UBE2G1: variants seen among roughly 807,000 people sequenced by gnomAD.
UBE2G1 encodes ubiquitin conjugating enzyme E2 G1, also known as ubiquitin-conjugating enzyme E2 G1.
Under a neutral mutation model 22.7 loss-of-function variants are expected in UBE2G1, and 5 were observed. The ratio of observed to expected loss-of-function variants is 0.22; its 90% CI spans 0.12 to 0.46. UBE2G1 has a LOEUF of 0.46. Ranked by LOEUF, UBE2G1 falls within the 20% of genes least tolerant of loss-of-function variation. UBE2G1 has a pLI of 0.99. For synonymous variants in UBE2G1, 74 were observed against 67.5 expected, an observed-to-expected ratio of 1.10 and a Z score of -0.47; for missense variants, 88 against 203.9, an observed-to-expected ratio of 0.43 and a Z score of 3.46.
chr17:4,285,327 A>C (rs1275880872), intron 4 of UBE2G1, among the ~76,000 whole-genome samples: 1 of 152,216 alleles, frequency 6.6e-6, no homozygotes, highest in Non-Finnish European at 1.5e-5. Flanking sequence ...TCACCTAAAA[A>C]TGGAAAAGAA....
chr17:4,307,647 C>T (rs1969262724), intron 1 of UBE2G1, among the ~76,000 whole-genome samples: 1 of 152,134 alleles, frequency 6.6e-6, no homozygotes, highest in Admixed American at 6.5e-5. Flanking sequence ...CTCCTGTGTG[C>T]CCATCCATCT....
chr17:4,353,702 G>A (rs937007215), intron 1 of UBE2G1, among the ~76,000 whole-genome samples: 12 of 151,950 alleles, frequency 7.9e-5, no homozygotes, highest in African/African-American at 2.7e-4. Flanking sequence ...TAGTAGAGAC[G>A]GGTTTCACTG....
rs1969344557 is a variant in UBE2G1 at position 4,314,439 on chromosome 17, CAAGA to C, written c.47-7320_47-7317del. On this transcript the variant is annotated intron_variant, in intron 1 of 5. Coordinates refer to ENST00000396981, the MANE Select transcript of UBE2G1 (RefSeq NM_003342.5). ...GAGTTTATAACTGTGAAATCAAAAA[CAAGA>C]AACAAATTTATCACCACTACAGGAT... Among the ~76,000 whole-genome samples, 3 of 152,122 alleles carry C rather than the reference CAAGA, an allele frequency of 2.0e-5. No homozygotes were observed. The South Asian group carries it at 6.2e-4, about 31-fold the overall frequency.
chr17:4,320,668 G>A (rs1337023783), intron 1 of UBE2G1, among the ~76,000 whole-genome samples: 1 of 152,052 alleles, frequency 6.6e-6, no homozygotes, highest in Non-Finnish European at 1.5e-5. Context: ...AAGTAACATA[G>A]GAAAATAAAA....
chr17:4,366,171 C>G (rs1176796942), intron 1 of UBE2G1, 100 bp downstream of exon 1: 1 of 1,314,984 alleles, frequency 7.6e-7, no homozygotes, highest in Non-Finnish European at 1.0e-6. Context: ...GCCCGGGCCC[C>G]TTCGGCAGTA....
intron 2 of UBE2G1, among the ~76,000 whole-genome samples, chr17:4,303,694 A>G (rs533916443): frequency 1.3e-5 from 2 of 152,236 alleles, no homozygotes. Context: ...TTCTGCCTCT[A>G]TGTCTCACAC....
chr17:4,363,384 TCTCTC>T (rs1234316666), intron 1 of UBE2G1, among the ~76,000 whole-genome samples: 1 of 152,140 alleles, frequency 6.6e-6, no homozygotes, highest in Non-Finnish European at 1.5e-5. Flanking sequence ...ATTAAATTGT[TCTCTC>T]CTCTATCTTA....
chr17:4,343,728 A>G (rs1969737291), intron 1 of UBE2G1, among the ~76,000 whole-genome samples: 1 of 151,704 alleles, frequency 6.6e-6, no homozygotes, highest in South Asian at 2.1e-4. Context: ...AGCTGGGACT[A>G]CTGGCGCCCA....
intron 1 of UBE2G1, among the ~76,000 whole-genome samples, chr17:4,339,598 C>T (rs535728833): frequency 2.0e-5 from 3 of 152,260 alleles, no homozygotes; most frequent in Non-Finnish European, 1.5e-5. Flanking sequence ...AGCCACCGCG[C>T]CTGGCTCAAG....
intron 1 of UBE2G1, among the ~76,000 whole-genome samples, chr17:4,312,568 C>T (rs1201873276): frequency 1.3e-5 from 2 of 151,618 alleles, no homozygotes; most frequent in East Asian, 1.9e-4. Flanking sequence ...TGGTGGCGGG[C>T]ACCTGTAGTC....
At chr17:4,324,449 C>A (rs1221230881) in intron 1 of UBE2G1, among the ~76,000 whole-genome samples, 5 of 152,142 alleles carry the variant, frequency 3.3e-5, no homozygotes, top group African/African-American at 1.2e-4. Flanking sequence ...TTTTACCTAT[C>A]TTTTTACATT....
chr17:4,292,921 T>C (rs933018425), intron 3 of UBE2G1, among the ~76,000 whole-genome samples: 2 of 152,198 alleles, frequency 1.3e-5, no homozygotes, highest in African/African-American at 4.8e-5. Context: ...AAAAGCTGAA[T>C]ATATGTAAGG....
At chr17:4,301,324 CCT>C (rs1412442596) in intron 2 of UBE2G1, 1 of 439,294 alleles carries the variant, frequency 2.3e-6, no homozygotes, top group Admixed American at 3.4e-5. Flanking sequence ...ACCCCTTTTG[CCT>C]CTCAGCCTCC....
chr17:4,353,812 A>ATTTT (rs11437680), intron 1 of UBE2G1, among the ~76,000 whole-genome samples: 13 of 104,820 alleles, frequency 1.2e-4, no homozygotes, highest in East Asian at 5.1e-4. Flanking sequence ...GCCCGGTCAA[A>ATTTT]TTTTTTTTTT....
At chr17:4,347,469 C>CTTTTTTTTTTTTTTTT (rs34014821) in intron 1 of UBE2G1, among the ~76,000 whole-genome samples, 2 of 89,556 alleles carry the variant, frequency 2.2e-5, no homozygotes, top group African/African-American at 9.6e-5. Context: ...AGTATTTCTT[C>CTTTTTTTTTTTTTTTT]TTTTTTTTTT....
At chr17:4,352,937 G>C (rs896343111) in intron 1 of UBE2G1, among the ~76,000 whole-genome samples, 2 of 152,146 alleles carry the variant, frequency 1.3e-5, no homozygotes, top group African/African-American at 4.8e-5. Context: ...AGCCGGGTGT[G>C]GCCGGGTACA....
intron 1 of UBE2G1, among the ~76,000 whole-genome samples, chr17:4,339,918 T>TTTTTC (rs1429992141): frequency 6.6e-6 from 1 of 152,152 alleles, no homozygotes; most frequent in Admixed American, 6.5e-5. Flanking sequence ...TCTCTTTTCC[T>TTTTTC]TTTTCTTTTC....
chr17:4,307,816 T>C (rs1019910169), intron 1 of UBE2G1, among the ~76,000 whole-genome samples: 7 of 152,086 alleles, frequency 4.6e-5, no homozygotes, highest in African/African-American at 1.7e-4. Flanking sequence ...AAGAGAGTGC[T>C]GTGGCATGGA....
intron 1 of UBE2G1, among the ~76,000 whole-genome samples, chr17:4,353,436 T>G (rs1462039374): frequency 2.7e-5 from 4 of 148,734 alleles, no homozygotes; most frequent in Admixed American, 6.8e-5. Flanking sequence ...CATATATATA[T>G]AGAGTTTCGT....
Sources: allele counts gnomAD v4.1 joint callset (sites outside exome capture counted in the v4.1 genomes callset), GRCh38; gene constraint gnomAD v4.1.1; transcripts MANE v1.5; gene names NCBI Gene and HGNC (gene_info 2026-07-23, HGNC 2026-07-21).